Variants in PTPN12 observed in about 807,000 individuals in gnomAD.
The protein encoded by PTPN12 is tyrosine-protein phosphatase non-receptor type 12.
In PTPN12, 29 loss-of-function variants were observed where a neutral mutation model predicts 97.6. That is an observed-to-expected ratio of 0.30 (90% CI 0.22 to 0.41). The LOEUF (loss-of-function observed/expected upper bound fraction) is 0.41. Ranked by LOEUF, PTPN12 falls within the 10% of genes least tolerant of loss-of-function variation. PTPN12 has a pLI of 1.00. For missense variants in PTPN12, 819 were observed against 926.0 expected (o/e 0.88, Z 1.50); for synonymous variants, 327 against 300.4 (o/e 1.09, Z -0.91).
rs371650087 is a variant in PTPN12 at position 77,627,464 on chromosome 7, C to A, written c.1785C>A (p.Leu595=). 2 of 1,613,858 alleles carry A rather than the reference C, an allele frequency of 1.2e-6. No individual in the cohort carries two copies. The highest frequency in any genetic ancestry group is 2.2e-5 in the South Asian group (2 of 91,054). The change falls in exon 13 of 18, where the codon CTC becomes CTA. Residue 595 remains leucine (L), a synonymous_variant. Transcript: ENST00000248594. ...CTTCACCACTCTTCAGAACACCCCTCAGTTTTACTAATCCACTTCACTCTG... is the reference window on the plus strand; with the variant it reads ...CTTCACCACTCTTCAGAACACCCCTAAGTTTTACTAATCCACTTCACTCTG... The part of the protein sequence containing the change: ...DNTSPLFRTP[L]SFTNPLHSDD...
At chr7:77,632,295 A>G in intron 13 of PTPN12, 53 bp from the exon 14 acceptor site, 1 of 1,315,240 alleles carries the variant, frequency 7.6e-7, no homozygotes, top group Non-Finnish European at 1.1e-6. Flanking sequence ...AAGCTCTCTG[A>G]TTTTGTTTAG....
At chr7:77,593,056 G>T (rs998783454) in intron 6 of PTPN12, among the ~76,000 whole-genome samples, 8 of 152,048 alleles carry the variant, frequency 5.3e-5, no homozygotes, top group Non-Finnish European at 8.8e-5. Flanking sequence ...ATCACTTGAG[G>T]TCAGGAGTTC....
chr7:77,537,835 T>G (rs1806732943), intron 1 of PTPN12, among the ~76,000 whole-genome samples, 190 bp downstream of exon 1: 1 of 151,816 alleles, frequency 6.6e-6, no homozygotes, highest in Admixed American at 6.5e-5. Flanking sequence ...GTGGCCTCCT[T>G]TCTTCTCCCA....
chr7:77,629,557 T>C (rs947952851), intron 13 of PTPN12, among the ~76,000 whole-genome samples: 7 of 151,920 alleles, frequency 4.6e-5, no homozygotes, highest in Admixed American at 2.0e-4. Flanking sequence ...TCTTTTGCTT[T>C]TTTTTTTAAA....
intron 2 of PTPN12, 148 bp from the exon 3 acceptor site, chr7:77,581,279 G>C (rs1038110083): frequency 1.3e-5 from 6 of 452,084 alleles, no homozygotes; most frequent in Admixed American, 8.9e-5. Context: ...TTTAATGTTA[G>C]AAATTACCCT....
At chr7:77,581,591 C>T in intron 3 of PTPN12, 88 bp downstream of exon 3, 2 of 651,804 alleles carry the variant, frequency 3.1e-6, no homozygotes, top group Middle Eastern at 7.0e-4. Flanking sequence ...ATTGCTCAAA[C>T]ATGATACCAA....
At chr7:77,589,559 A>T (rs1232777965) in intron 5 of PTPN12, among the ~76,000 whole-genome samples, 1 of 152,150 alleles carries the variant, frequency 6.6e-6, no homozygotes, top group Non-Finnish European at 1.5e-5. Context: ...TTTTTTCAGT[A>T]AGCAATATAT....
rs185135839 is a variant in PTPN12 at position 77,539,579 on chromosome 7, G to A, written c.99+1934G>A. 1.3e-4 allele frequency among the ~76,000 whole-genome samples: 19 copies of A among 151,826 alleles called. No individual in the cohort carries two copies. The East Asian group carries it at 3.7e-3, about 29-fold the overall frequency. ...AGAAAATACTTTGAATATTTAAGATGTTTAAAACTAGTTTTTTTGGGTTTT... is the reference window on the plus strand; with the variant it reads ...AGAAAATACTTTGAATATTTAAGATATTTAAAACTAGTTTTTTTGGGTTTT... On this transcript the variant is annotated intron_variant, in intron 1 of 17. Coordinates refer to ENST00000248594, the MANE Select transcript of PTPN12 (RefSeq NM_002835.4).
chr7:77,581,063 G>GTTTTT (rs1026476034), intron 2 of PTPN12, among the ~76,000 whole-genome samples: 3 of 142,710 alleles, frequency 2.1e-5, no homozygotes, highest in Non-Finnish European at 4.6e-5. Flanking sequence ...GTTTTGTTTT[G>GTTTTT]TTTTTTTGCT....
intron 1 of PTPN12, among the ~76,000 whole-genome samples, chr7:77,549,079 A>C (rs1807355207): frequency 6.6e-6 from 1 of 152,220 alleles, no homozygotes; most frequent in Admixed American, 6.5e-5. Flanking sequence ...TAGAATTGCT[A>C]CATCTTGTTT....
At position 77,562,686 on chromosome 7, in the gene PTPN12, G is replaced by A. The variant is rs530268240; in HGVS notation, c.100-8392G>A. ...ATTAGATAATGGATGATGAGGAAAT[G>A]GGTAAAAGAAAGTGAGGGCCTTGTG... On this transcript the variant is annotated intron_variant, in intron 1 of 17. Coordinates refer to ENST00000248594, the MANE Select transcript of PTPN12 (RefSeq NM_002835.4). Among the ~76,000 whole-genome samples, 3 of 152,214 alleles carry A rather than the reference G, an allele frequency of 2.0e-5. No homozygotes were observed. The South Asian group carries it at 6.2e-4, about 32-fold the overall frequency.
At chr7:77,598,595 A>G (rs1261263832) in intron 7 of PTPN12, among the ~76,000 whole-genome samples, 1 of 151,822 alleles carries the variant, frequency 6.6e-6, no homozygotes, top group Non-Finnish European at 1.5e-5. Flanking sequence ...AGGCACTTGA[A>G]TTGCTTGAGC....
intron 13 of PTPN12, among the ~76,000 whole-genome samples, chr7:77,630,229 G>T (rs1295560132): frequency 6.6e-6 from 1 of 152,118 alleles, no homozygotes; most frequent in African/African-American, 2.4e-5. Flanking sequence ...TTACCTTATA[G>T]ATTATTATTT....
intron 1 of PTPN12, among the ~76,000 whole-genome samples, chr7:77,566,283 A>G (rs917017491): frequency 2.0e-5 from 3 of 152,230 alleles, no homozygotes; most frequent in African/African-American, 7.2e-5. Context: ...ATATCTTATA[A>G]TTAAAGATTT....
At chr7:77,588,618 G>T (rs939612071) in intron 5 of PTPN12, among the ~76,000 whole-genome samples, 1 of 152,078 alleles carries the variant, frequency 6.6e-6, no homozygotes, top group Non-Finnish European at 1.5e-5. Context: ...CTTGGTGCAG[G>T]GTTGCCACAA....
At chr7:77,551,702 G>A (rs1460083659) in intron 1 of PTPN12, among the ~76,000 whole-genome samples, 2 of 152,182 alleles carry the variant, frequency 1.3e-5, no homozygotes, top group East Asian at 1.9e-4. Flanking sequence ...TTCCATCCAA[G>A]CTTTGCCATA....
intron 7 of PTPN12, among the ~76,000 whole-genome samples, chr7:77,599,443 C>T (rs1008034607): frequency 6.6e-6 from 1 of 151,646 alleles, no homozygotes; most frequent in Non-Finnish European, 1.5e-5. Context: ...GGATGAGCCA[C>T]CAAACCCAGC....
chr7:77,591,604 A>G (rs542571127), intron 5 of PTPN12, among the ~76,000 whole-genome samples: 23 of 152,330 alleles, frequency 1.5e-4, no homozygotes, highest in South Asian at 4.1e-4. Flanking sequence ...TCTGTGGTAC[A>G]TTTGAAATAC....
chr7:77,622,426 C>G (rs1788972596), intron 12 of PTPN12, among the ~76,000 whole-genome samples: 1 of 152,136 alleles, frequency 6.6e-6, no homozygotes, highest in Admixed American at 6.6e-5. Flanking sequence ...TTGGGAAATG[C>G]TGCAACCACG....
Sources: allele counts gnomAD v4.1 joint callset (sites outside exome capture counted in the v4.1 genomes callset), GRCh38; gene constraint gnomAD v4.1.1; transcripts MANE v1.5; gene names NCBI Gene and HGNC (gene_info 2026-07-23, HGNC 2026-07-21).